MIGA1: variants seen among roughly 807,000 people sequenced by gnomAD.
MIGA1 encodes mitoguardin 1.
In MIGA1, 58 loss-of-function variants were observed where a neutral mutation model predicts 82.0. The ratio of observed to expected loss-of-function variants is 0.71; its 90% CI spans 0.57 to 0.88. The LOEUF (loss-of-function observed/expected upper bound fraction) is 0.88. Ranked by LOEUF, MIGA1 falls within the 40% of genes least tolerant of loss-of-function variation. The probability of loss-of-function intolerance (pLI) is 0.00; values close to 1 mark genes in which losing one functional copy is unlikely to be tolerated. For missense variants in MIGA1, 751 were observed against 749.1 expected (o/e 1.00, Z -0.03); for synonymous variants, 249 against 253.6 (o/e 0.98, Z 0.17).
chr1:77,818,947 G>T (rs1350842623), intron 7 of MIGA1, among the ~76,000 whole-genome samples: 1 of 151,912 alleles, frequency 6.6e-6, no homozygotes, highest in Admixed American at 6.6e-5. Context: ...GGGCATGGTG[G>T]TGGGTGCCTG....
rs774164531 is a variant in MIGA1, at chr1:77,803,425, T to C, written c.510+19T>C. 1.2e-5 allele frequency: 16 copies of C among 1,349,548 alleles called. No individual in the cohort carries two copies. The East Asian group carries it at 1.3e-4, about 11-fold the overall frequency. 83.6% of individuals were successfully genotyped at this position (1,349,548 alleles called of 1,614,324 possible). On this transcript the variant is annotated intron_variant, in intron 4 of 15. Coordinates refer to ENST00000370791, the MANE Select transcript of MIGA1 (RefSeq NM_198549.4). ...GGCCTCTGTAAGTACAGAAAAAATA[T>C]TAATTTTTAAAATTTTTGTTTATAT...
Position 77,815,604 on chromosome 1 carries a change from A to G in MIGA1, c.895+373A>G, listed in dbSNP as rs1683542581. Among the ~76,000 whole-genome samples, 5 of 152,256 alleles carry G rather than the reference A, an allele frequency of 3.3e-5. No homozygotes were observed. In the South Asian group the frequency reaches 1.0e-3, roughly 31 times the overall value. ...CTTAAAATACTTTAAAGAATTATGT[A>G]TGTTGGGACCCACTTTAATCGCAGG... On this transcript the variant is annotated intron_variant, in intron 7 of 15. Transcript: ENST00000370791.
At position 77,866,922 on chromosome 1, in the gene MIGA1, C is replaced by T. The variant is rs565965444; in HGVS notation, c.1563+531C>T. Among the ~76,000 whole-genome samples the T allele has an allele frequency of 1.2e-3, 181 of 152,090 alleles. 1 individual carries two copies. Among genetic ancestry groups the T allele is most frequent in the African/African-American group, 4.1e-3 (169 of 41,486 alleles). On this transcript the variant is annotated intron_variant, in intron 14 of 15. Transcript: ENST00000370791. The stretch of plus-strand genomic sequence containing the variant: ...CTCAAACTCCTGACCTCAGGTTATC[C>T]GCCCGCCTTGGCCTCCCAAAGTGCT...
At chr1:77,806,099 A>T (rs1331520617) in intron 4 of MIGA1, among the ~76,000 whole-genome samples, 1 of 152,110 alleles carries the variant, frequency 6.6e-6, no homozygotes, top group Non-Finnish European at 1.5e-5. Context: ...ATACCACCCT[A>T]ATTAATTAGG....
chr1:77,870,225 C>T (rs866795748), intron 14 of MIGA1, among the ~76,000 whole-genome samples: 1 of 127,574 alleles, frequency 7.8e-6, no homozygotes, highest in African/African-American at 2.8e-5. Context: ...GGGCTGACCC[C>T]CCCCCCCACC....
intron 10 of MIGA1, 187 bp downstream of exon 10, chr1:77,859,573 A>G (rs1685388298): frequency 3.7e-6 from 2 of 537,256 alleles, no homozygotes; most frequent in East Asian, 5.7e-5. Context: ...ATATTTCATT[A>G]TCCTCTCCCA....
intron 8 of MIGA1, chr1:77,847,463 A>C: frequency 6.9e-7 from 1 of 1,453,638 alleles, no homozygotes. Flanking sequence ...AGGAACAGGA[A>C]AAAAGAATGG....
intron 8 of MIGA1, among the ~76,000 whole-genome samples, chr1:77,852,860 T>C (rs962612311): frequency 6.6e-6 from 1 of 152,124 alleles, no homozygotes; most frequent in Non-Finnish European, 1.5e-5. Flanking sequence ...CTGGCTAATT[T>C]TTGAATTTTT....
At chr1:77,830,807 A>C (rs1352939537) in intron 7 of MIGA1, among the ~76,000 whole-genome samples, 3 of 152,224 alleles carry the variant, frequency 2.0e-5, no homozygotes, top group Non-Finnish European at 4.4e-5. Flanking sequence ...GTTAAAAATC[A>C]GTTTTTAAGT....
chr1:77,812,332 G>T (rs1329207551), intron 5 of MIGA1, among the ~76,000 whole-genome samples: 1 of 152,138 alleles, frequency 6.6e-6, no homozygotes, highest in Non-Finnish European at 1.5e-5. Context: ...AGCTGGGCAT[G>T]GTGGTACATG....
chr1:77,791,736 G>A (rs1198574482), intron 2 of MIGA1, among the ~76,000 whole-genome samples: 3 of 151,306 alleles, frequency 2.0e-5, no homozygotes, highest in Non-Finnish European at 2.9e-5. Flanking sequence ...GCTAATTTTT[G>A]TATTTTTAGT....
intron 2 of MIGA1, among the ~76,000 whole-genome samples, chr1:77,799,267 C>T (rs1490014895): frequency 8.5e-5 from 13 of 152,050 alleles, no homozygotes; most frequent in Admixed American, 5.2e-4. Flanking sequence ...ACATAATGTA[C>T]GGTATTCAAT....
rs1646914186 is a variant in MIGA1 at position 77,878,762 on chromosome 1, A to G, written c.*3698A>G. ...TGCTTATTTCTTCTTGAAGGTTAAC[A>G]TTATGTTTATTAAGTATCAAAATGG... On this transcript the variant is annotated 3_prime_UTR_variant, in exon 16 of 16. Transcript: ENST00000370791. 5.2e-6 allele frequency: 2 copies of G among 384,404 alleles called. No homozygotes were observed. The highest frequency in any genetic ancestry group is 2.1e-5 in the African/African-American group (1 of 48,482). The allele number at this position is 384,404 out of a possible 1,614,324, so 23.8% of individuals were successfully genotyped here. A position where few individuals can be genotyped will look rare whatever the true frequency, so the allele number is the denominator to read the frequency against.
intron 14 of MIGA1, among the ~76,000 whole-genome samples, chr1:77,870,049 C>A (rs866556273): frequency 1.8e-4 from 19 of 107,052 alleles, no homozygotes; most frequent in Non-Finnish European, 1.4e-4. Flanking sequence ...CGGGCAGAGG[C>A]GCCCCTCACC....
At chr1:77,807,236 A>C (rs142939026) in intron 5 of MIGA1, 135 bp downstream of exon 5, 5 of 549,872 alleles carry the variant, frequency 9.1e-6, no homozygotes, top group Non-Finnish European at 1.5e-5. Context: ...ATTACTGCTC[A>C]TTGCAGCCTC....
rs934801870 is a variant in MIGA1, at chr1:77,876,448, T to G, written c.*1384T>G. 6.6e-6 allele frequency: 1 copy of G among 152,254 alleles called. No homozygotes were observed. Among genetic ancestry groups the G allele is most frequent in the East Asian group, 1.9e-4 (1 of 5,204 alleles). 9.4% of individuals were successfully genotyped at this position (152,254 alleles called of 1,614,324 possible). On this transcript the variant is annotated 3_prime_UTR_variant, in exon 16 of 16. Coordinates refer to ENST00000370791, the MANE Select transcript of MIGA1 (RefSeq NM_198549.4). ...GTTACAAAGAGACTGAAGAACTTTCTTTTTATACATTAGAGCATTTTCCCC... is the reference window on the plus strand; with the variant it reads ...GTTACAAAGAGACTGAAGAACTTTCGTTTTATACATTAGAGCATTTTCCCC...
chr1:77,795,056 C>T (rs933716863), intron 2 of MIGA1, among the ~76,000 whole-genome samples: 3 of 150,612 alleles, frequency 2.0e-5, no homozygotes, highest in Non-Finnish European at 3.0e-5. Flanking sequence ...CTCCACCTCC[C>T]GGGTTCAAGC....
At chr1:77,794,359 T>A (rs892383638) in intron 2 of MIGA1, among the ~76,000 whole-genome samples, 3 of 152,216 alleles carry the variant, frequency 2.0e-5, no homozygotes, top group Non-Finnish European at 4.4e-5. Context: ...GTTGTCAGGT[T>A]TCCTTAGTCT....
At chr1:77,864,763 G>C (rs764103282) in intron 13 of MIGA1, among the ~76,000 whole-genome samples, 3 of 152,184 alleles carry the variant, frequency 2.0e-5, no homozygotes, top group Non-Finnish European at 2.9e-5. Context: ...CTCATCCTTT[G>C]ATATTCAGCT....
Sources: gnomAD v4.1 joint callset for allele counts (sites outside exome capture counted in the v4.1 genomes callset) on GRCh38, gnomAD v4.1.1 for gene constraint, MANE v1.5 for transcripts, NCBI Gene and HGNC (gene_info 2026-07-23, HGNC 2026-07-21) for gene names.